Variants in SIDT1 observed in about 807,000 individuals in gnomAD.
SIDT1 encodes the protein SID1 transmembrane family member 1.
SIDT1 carries 101 observed loss-of-function variants against 107.5 expected under a neutral mutation model. That is an observed-to-expected ratio of 0.94 (90% CI 0.80 to 1.11). The LOEUF (loss-of-function observed/expected upper bound fraction) is 1.11. Among genes scored for constraint, SIDT1 ranks in the 50% least tolerant of loss-of-function variants. The probability of loss-of-function intolerance (pLI) is 0.00; values close to 1 mark genes in which losing one functional copy is unlikely to be tolerated. For missense variants in SIDT1, 1,076 were observed against 1,058.2 expected (o/e 1.02, Z -0.23); for synonymous variants, 395 against 398.2 (o/e 0.99, Z 0.10).
intron 1 of SIDT1, among the ~76,000 whole-genome samples, chr3:113,534,226 T>C (rs1416655187): frequency 6.7e-6 from 1 of 149,278 alleles, no homozygotes; most frequent in African/African-American, 2.4e-5. Flanking sequence ...AACTAGATGA[T>C]TGGGATACCA....
At chr3:113,544,539 C>T (rs1250664389) in intron 1 of SIDT1, among the ~76,000 whole-genome samples, 1 of 152,100 alleles carries the variant, frequency 6.6e-6, no homozygotes, top group Non-Finnish European at 1.5e-5. Flanking sequence ...TTTCTTTGTT[C>T]TTTCTTTGTC....
At chr3:113,558,595 G>C (rs574875257) in intron 1 of SIDT1, among the ~76,000 whole-genome samples, 1 of 152,302 alleles carries the variant, frequency 6.6e-6, no homozygotes, top group East Asian at 1.9e-4. Context: ...CTAAGCTCAG[G>C]GTTCCTCTCC....
At chr3:113,624,601 A>G (rs1946712442) in intron 23 of SIDT1, among the ~76,000 whole-genome samples, 1 of 152,220 alleles carries the variant, frequency 6.6e-6, no homozygotes, top group Non-Finnish European at 1.5e-5. Context: ...AAATATACAT[A>G]TAAAATTTAC....
chr3:113,585,902 G>A (rs1943709648), intron 9 of SIDT1, among the ~76,000 whole-genome samples: 1 of 152,132 alleles, frequency 6.6e-6, no homozygotes, highest in Admixed American at 6.6e-5. Flanking sequence ...CTCTCAGCGG[G>A]GTTGAACCTT....
At chr3:113,613,241 C>T (rs144310970) in intron 19 of SIDT1, among the ~76,000 whole-genome samples, 40 of 152,352 alleles carry the variant, frequency 2.6e-4, no homozygotes, top group African/African-American at 9.1e-4. Flanking sequence ...CTAGTGGTAC[C>T]ATCTGCCCTC....
At chr3:113,591,339 A>C (rs1424234086) in intron 9 of SIDT1, among the ~76,000 whole-genome samples, 1 of 152,200 alleles carries the variant, frequency 6.6e-6, no homozygotes, top group African/African-American at 2.4e-5. Context: ...GCAGTAGGAA[A>C]CTAATATACA....
intron 4 of SIDT1, among the ~76,000 whole-genome samples, chr3:113,578,201 C>T (rs1215496288): frequency 6.6e-6 from 1 of 152,234 alleles, no homozygotes; most frequent in African/African-American, 2.4e-5. Context: ...CGCGATGGCT[C>T]ACGCCTATAA....
At chr3:113,564,927 T>C (rs1381832337) in intron 1 of SIDT1, among the ~76,000 whole-genome samples, 9 of 152,224 alleles carry the variant, frequency 5.9e-5, no homozygotes, top group Admixed American at 5.9e-4. Flanking sequence ...CTTGGGCTAT[T>C]TTAACATTTA....
Position 113,616,116 on chromosome 3 carries a change from GC to G in SIDT1, c.1984del (p.Arg662GlyfsTer41). ...TATCAGCAGATTTGGGAATTTTCCG[GC>G]GGGCTGCCATGGTGTTCTACACAGA... ...RFKIDLGIFR[R>X]AAMVFYTDCI... On this transcript the variant is annotated frameshift_variant, in exon 20 of 25. Transcript: ENST00000264852. LOFTEE classifies it high-confidence loss of function. The G allele has an allele frequency of 1.2e-6, 2 of 1,613,868 alleles. No homozygotes were observed. Among genetic ancestry groups the G allele is most frequent in the Non-Finnish European group, 1.7e-6 (2 of 1,179,802 alleles).
In SIDT1 at chr3:113,598,937, G is replaced by A. The variant is rs118152148; in HGVS notation, c.1046-2651G>A. 9.3e-4 allele frequency among the ~76,000 whole-genome samples: 141 copies of A among 152,278 alleles called. No individual in the cohort carries two copies. The East Asian group carries it at 0.018, about 19-fold the overall frequency. On this transcript the variant is annotated intron_variant, in intron 10 of 24. Coordinates refer to ENST00000264852, the MANE Select transcript of SIDT1 (RefSeq NM_017699.3). ...AGTCAAGGAGTTGGAGGCCAGCCTC[G>A]TCAACCTAGGGAGATTCTGTCTCTA...
At chr3:113,626,045 T>G in intron 23 of SIDT1, 57 bp from the exon 24 acceptor site, 1 of 1,227,322 alleles carries the variant, frequency 8.1e-7, no homozygotes, top group Non-Finnish European at 1.2e-6. Context: ...GACGTTCAAC[T>G]CTTTGAACAG....
chr3:113,556,972 A>G (rs1290326350), intron 1 of SIDT1, among the ~76,000 whole-genome samples: 1 of 150,246 alleles, frequency 6.7e-6, no homozygotes, highest in African/African-American at 2.5e-5. Context: ...GGTGCCCACC[A>G]CCACGCCCAG....
chr3:113,604,785 G>T (rs975341010), intron 13 of SIDT1, 125 bp from the exon 14 acceptor site: 2 of 1,026,178 alleles, frequency 1.9e-6, no homozygotes, highest in Non-Finnish European at 3.0e-6. Flanking sequence ...CACATAATCA[G>T]CTTCTGGTTA....
rs1010818982 is a variant in SIDT1 at position 113,532,712 on chromosome 3, G to A, written c.-310G>A. On this transcript the variant is annotated 5_prime_UTR_variant, in exon 1 of 25. Coordinates refer to ENST00000264852, the MANE Select transcript of SIDT1 (RefSeq NM_017699.3). ...GGTCTAAATTCTGGCTGGGTAAGTG[G>A]GGGGATTCTCGGCGATGAGAAACGG... 2.5e-5 allele frequency: 8 copies of A among 319,840 alleles called. No homozygotes were observed. Among genetic ancestry groups the A allele is most frequent in the Admixed American group, 5.0e-5 (1 of 20,096 alleles). The allele number at this position is 319,840 out of a possible 1,614,324, so 19.8% of individuals were successfully genotyped here.
chr3:113,559,395 G>A (rs1941204901), intron 1 of SIDT1, among the ~76,000 whole-genome samples: 1 of 151,404 alleles, frequency 6.6e-6, no homozygotes, highest in South Asian at 2.1e-4. Context: ...TGTAAGTGCT[G>A]AATATCTTTT....
At chr3:113,586,946 A>T (rs1343994614) in intron 9 of SIDT1, among the ~76,000 whole-genome samples, 1 of 152,262 alleles carries the variant, frequency 6.6e-6, no homozygotes, top group Non-Finnish European at 1.5e-5. Context: ...GATCTCAATC[A>T]GGATCTTACA....
At chr3:113,534,882 C>T (rs1379790223) in intron 1 of SIDT1, among the ~76,000 whole-genome samples, 1 of 152,188 alleles carries the variant, frequency 6.6e-6, no homozygotes, top group Non-Finnish European at 1.5e-5. Context: ...CTTGAGATCA[C>T]CTGGTTGACT....
At chr3:113,612,585 A>G (rs1405717650) in intron 19 of SIDT1, among the ~76,000 whole-genome samples, 1 of 152,210 alleles carries the variant, frequency 6.6e-6, no homozygotes, top group Non-Finnish European at 1.5e-5. Context: ...TTCTCTAACC[A>G]TGCTAAATGG....
At position 113,608,454 on chromosome 3, in the gene SIDT1, C is replaced by T. The variant is rs149502056; in HGVS notation, c.1638C>T (p.Tyr546=). The T allele has an allele frequency of 3.5e-5, 56 of 1,613,918 alleles. No homozygotes were observed. The highest frequency in any genetic ancestry group is 1.3e-4 in the Admixed American group (8 of 60,012). ...TTCCCAAACACTTTGGTCTCTTCTA[C>T]GCTATGGGCATTGCATTGATGATGG... ...YGIPKHFGLF[Y]AMGIALMMEG... The change falls in exon 17 of 25, where the codon TAC becomes TAT. Residue 546 remains tyrosine (Y), a synonymous_variant. Transcript: ENST00000264852.
Sources: allele counts gnomAD v4.1 joint callset (sites outside exome capture counted in the v4.1 genomes callset), GRCh38; gene constraint gnomAD v4.1.1; transcripts MANE v1.5; gene names NCBI Gene and HGNC (gene_info 2026-07-23, HGNC 2026-07-21).